The following FRMD4A variants were observed in gnomAD, a reference collection of about 807,000 sequenced individuals.
FRMD4A encodes FERM domain containing 4A.
Under a neutral mutation model 129.1 loss-of-function variants are expected in FRMD4A, and 29 were observed. The ratio of observed to expected loss-of-function variants is 0.22; its 90% CI spans 0.17 to 0.31. The LOEUF (loss-of-function observed/expected upper bound fraction) is 0.31, where lower values mean the gene tolerates loss of function less well. Among genes scored for constraint, FRMD4A ranks in the 10% least tolerant of loss-of-function variants. The probability of loss-of-function intolerance (pLI) is 1.00; values close to 1 mark genes in which losing one functional copy is unlikely to be tolerated. For missense variants in FRMD4A, 1,272 were observed against 1,375.8 expected (o/e 0.92, Z 1.19); for synonymous variants, 634 against 571.6 (o/e 1.11, Z -1.56).
At chr10:13,890,955 C>T (rs2094688470) in intron 2 of FRMD4A, 1 of 639,802 alleles carries the variant, frequency 1.6e-6, no homozygotes, top group East Asian at 1.4e-4. Context: ...CACCAAGTCG[C>T]TCGTTACGCA....
chr10:13,780,326 C>CAAAA (rs35947539), intron 6 of FRMD4A, among the ~76,000 whole-genome samples: 2 of 145,566 alleles, frequency 1.4e-5, no homozygotes, highest in African/African-American at 2.6e-5. Context: ...GACTGTGTCT[C>CAAAA]AAAAAAAAAA....
intron 2 of FRMD4A, among the ~76,000 whole-genome samples, chr10:14,289,231 A>G (rs1285085459): frequency 1.3e-5 from 2 of 152,064 alleles, no homozygotes. Context: ...TTCTATTCCC[A>G]CCAACGGTGT....
intron 15 of FRMD4A, among the ~76,000 whole-genome samples, chr10:13,680,985 C>A (rs77142324): frequency 6.6e-6 from 1 of 152,112 alleles, no homozygotes; most frequent in African/African-American, 2.4e-5. Context: ...AATGGTGTAA[C>A]GCCTTGAGTT....
rs190154606 is a variant in FRMD4A, at chr10:14,228,969, A to G, written c.45+101089T>C. Among the ~76,000 whole-genome samples, 81 of 152,324 alleles carry G rather than the reference A, an allele frequency of 5.3e-4. 1 individual carries two copies. The highest frequency in any genetic ancestry group is 5.2e-3 in the Admixed American group (80 of 15,304). On this transcript the variant is annotated intron_variant, in intron 2 of 24. Coordinates refer to ENST00000357447, the MANE Select transcript of FRMD4A (RefSeq NM_018027.5). Reference sequence around the variant, plus strand: ...AGCTGTTTAAGCACGGTGTGACAGTAGCATTAAAATATGCCCCACGGTCTA... The same window carrying G: ...AGCTGTTTAAGCACGGTGTGACAGTGGCATTAAAATATGCCCCACGGTCTA...
At chr10:14,280,896 T>C (rs1845495176) in intron 2 of FRMD4A, among the ~76,000 whole-genome samples, 1 of 151,928 alleles carries the variant, frequency 6.6e-6, no homozygotes. Context: ...GTACTCACAA[T>C]GTGGCTGTAT....
intron 2 of FRMD4A, among the ~76,000 whole-genome samples, chr10:14,268,704 G>C (rs1845061542): frequency 6.6e-6 from 1 of 152,178 alleles, no homozygotes; most frequent in Non-Finnish European, 1.5e-5. Flanking sequence ...CACGAAGCTT[G>C]GGGACTCTTT....
intron 2 of FRMD4A, among the ~76,000 whole-genome samples, chr10:13,992,903 A>C (rs761464164): frequency 7.2e-6 from 1 of 139,036 alleles, no homozygotes; most frequent in Non-Finnish European, 1.5e-5. Context: ...CAGTGTGCCA[A>C]GATTGTGCCA....
chr10:14,250,930 A>G (rs1362324528), intron 2 of FRMD4A, among the ~76,000 whole-genome samples: 2 of 152,214 alleles, frequency 1.3e-5, no homozygotes, highest in Non-Finnish European at 2.9e-5. Flanking sequence ...ATTGCCAGGA[A>G]GAAGCAAAGC....
At chr10:13,871,574 C>T (rs1240636815) in intron 2 of FRMD4A, among the ~76,000 whole-genome samples, 2 of 152,176 alleles carry the variant, frequency 1.3e-5, no homozygotes, top group East Asian at 1.9e-4. Context: ...ACCACCTCAC[C>T]TTCCCCTTCC....
chr10:13,945,981 C>T (rs1332689195), intron 2 of FRMD4A, among the ~76,000 whole-genome samples: 1 of 152,182 alleles, frequency 6.6e-6, no homozygotes, highest in African/African-American at 2.4e-5. Flanking sequence ...TACACATTCC[C>T]TAGGAGTTGC....
chr10:13,908,965 G>T (rs1332557489), intron 2 of FRMD4A, among the ~76,000 whole-genome samples: 1 of 152,190 alleles, frequency 6.6e-6, no homozygotes, highest in Non-Finnish European at 1.5e-5. Context: ...CTCTAATTGT[G>T]ACATTCTCAG....
chr10:14,060,231 A>G (rs1834743003), intron 2 of FRMD4A, among the ~76,000 whole-genome samples: 1 of 152,230 alleles, frequency 6.6e-6, no homozygotes, highest in Admixed American at 6.5e-5. Context: ...AAGGATAAAG[A>G]TAGAAATTCA....
intron 2 of FRMD4A, among the ~76,000 whole-genome samples, chr10:13,899,207 T>C (rs1336801721): frequency 1.3e-5 from 2 of 152,104 alleles, no homozygotes; most frequent in Admixed American, 6.5e-5. Flanking sequence ...GCCAGCCTTA[T>C]GAAGACTAGG....
chr10:14,317,195 G>A (rs1050582133), intron 2 of FRMD4A, among the ~76,000 whole-genome samples: 1 of 152,150 alleles, frequency 6.6e-6, no homozygotes, highest in African/African-American at 2.4e-5. Context: ...TCAAGATAAA[G>A]TTCAAACTCC....
At chr10:13,916,298 CT>C (rs753167934) in intron 2 of FRMD4A, among the ~76,000 whole-genome samples, 4 of 152,188 alleles carry the variant, frequency 2.6e-5, no homozygotes, top group Non-Finnish European at 5.9e-5. Context: ...CATCTTCTTC[CT>C]TGGGTCTATG....
chr10:14,174,569 C>T (rs918298234), intron 2 of FRMD4A, among the ~76,000 whole-genome samples: 2 of 152,140 alleles, frequency 1.3e-5, no homozygotes, highest in African/African-American at 4.8e-5. Context: ...TTCATTCGTT[C>T]ATCATTCCTT....
chr10:13,757,980 G>A (rs113044029), intron 8 of FRMD4A, among the ~76,000 whole-genome samples: 4,028 of 152,296 alleles, frequency 0.026, 75 homozygotes, highest in Middle Eastern at 0.065. Context: ...TCGACCTTAG[G>A]TGATTCACCT....
At position 13,691,071 on chromosome 10, in the gene FRMD4A, T is replaced by C. The variant is rs1306169544; in HGVS notation, c.1117+2827A>G. On this transcript the variant is annotated intron_variant, in intron 15 of 24. Coordinates refer to ENST00000357447, the MANE Select transcript of FRMD4A (RefSeq NM_018027.5). ...AGCATCATCTTAGCTCACTGCAACC[T>C]CCGCCTCCTGAGTTCAAGTGATTCT... Among the ~76,000 whole-genome samples, 4 of 152,168 alleles carry C rather than the reference T, an allele frequency of 2.6e-5. No individual in the cohort carries two copies. The East Asian group carries it at 5.8e-4, about 22-fold the overall frequency.
intron 2 of FRMD4A, among the ~76,000 whole-genome samples, chr10:14,097,681 A>G (rs1588968810): frequency 6.6e-6 from 1 of 151,606 alleles, no homozygotes; most frequent in Non-Finnish European, 1.5e-5. Flanking sequence ...GTTTTAGTTT[A>G]TATATAAACT....
Sources: gnomAD v4.1 joint callset for allele counts (sites outside exome capture counted in the v4.1 genomes callset) on GRCh38, gnomAD v4.1.1 for gene constraint, MANE v1.5 for transcripts, NCBI Gene and HGNC (gene_info 2026-07-23, HGNC 2026-07-21) for gene names.